The following CELF2 variants were observed in gnomAD, a reference collection of about 807,000 sequenced individuals.
CELF2 encodes CUGBP Elav-like family member 2.
A neutral mutation model predicts 62.6 loss-of-function variants in CELF2; 8 were observed. That is an observed-to-expected ratio of 0.13 (90% CI 0.07 to 0.23). CELF2 has a LOEUF of 0.23. Ranked by LOEUF, CELF2 falls within the 10% of genes least tolerant of loss-of-function variation. The pLI is 1.00. For synonymous variants in CELF2, 258 were observed against 250.0 expected (o/e 1.03, Z -0.30); for missense variants, 333 against 671.0 (o/e 0.50, Z 5.56).
chr10:11,095,425 A>C (rs770617099), intron 1 of CELF2, among the ~76,000 whole-genome samples: 1 of 152,204 alleles, frequency 6.6e-6, no homozygotes, highest in Admixed American at 6.5e-5. Context: ...GACTGTATGT[A>C]GCCGTCTCAG....
chr10:11,066,639 C>T (rs1480291528), intron 1 of CELF2, among the ~76,000 whole-genome samples: 1 of 152,108 alleles, frequency 6.6e-6, no homozygotes, highest in African/African-American at 2.4e-5. Context: ...TGTAGTTGCC[C>T]AAAGGATGAT....
At position 11,260,873 on chromosome 10, in the gene CELF2, C is replaced by A. The variant is rs189923112; in HGVS notation, c.538+3001C>A. ...GTGTATTTGTTAAAAGCACAATTCTCTTTCATGCTACCATTTTGCTTTCAT... is the reference window on the plus strand; with the variant it reads ...GTGTATTTGTTAAAAGCACAATTCTATTTCATGCTACCATTTTGCTTTCAT... On this transcript the variant is annotated intron_variant, in intron 5 of 12. Transcript: ENST00000633077. The surrounding 1 kb of genome is among the most constrained non-coding windows in gnomAD (Gnocchi z 4.2). Among the ~76,000 whole-genome samples the A allele has an allele frequency of 6.6e-6, 1 of 152,292 alleles. No homozygotes were observed. The highest frequency in any genetic ancestry group is 1.9e-4 in the East Asian group (1 of 5,188).
chr10:10,821,940 T>G (rs2056999365), intron 1 of CELF2, among the ~76,000 whole-genome samples: 1 of 152,192 alleles, frequency 6.6e-6, no homozygotes, highest in South Asian at 2.1e-4. Context: ...GGGATTACTT[T>G]ATTAAAAGAC....
chr10:11,018,596 G>A (rs1313028062), intron 1 of CELF2, among the ~76,000 whole-genome samples: 1 of 150,220 alleles, frequency 6.7e-6, no homozygotes, highest in African/African-American at 2.4e-5. Flanking sequence ...GGCGAGCCGG[G>A]CGCGGAGTCC....
chr10:10,558,315 C>G, the CELF2 span, among the ~76,000 whole-genome samples: 1 of 151,630 alleles, frequency 6.6e-6, no homozygotes, highest in Non-Finnish European at 1.5e-5. Flanking sequence ...GTCTTTGGTT[C>G]TGTTTATATG....
intron 8 of CELF2, among the ~76,000 whole-genome samples, chr10:11,281,568 C>A (rs1038031555): frequency 1.3e-5 from 2 of 152,092 alleles, no homozygotes; most frequent in Non-Finnish European, 2.9e-5. Flanking sequence ...TCCCGACCAG[C>A]CTGAGCAACA....
chr10:10,805,455 T>C (rs1270285919), intron 1 of CELF2, among the ~76,000 whole-genome samples: 1 of 152,228 alleles, frequency 6.6e-6, no homozygotes, highest in African/African-American at 2.4e-5. Flanking sequence ...GACTCAGTAC[T>C]TTTAAAAATT....
Position 11,329,075 on chromosome 10 carries a change from G to A in CELF2, c.*22G>A. On this transcript the variant is annotated 3_prime_UTR_variant, in exon 13 of 13. Transcript: ENST00000633077. This position sits in a 1 kb window ranked among gnomAD's most constrained non-coding sequence, Gnocchi z 5.5. ...CTGATCCTAACCCCAGAGGCTCCCT[G>A]CTCTCATTTTAGCTTTCTTAGGGTA... 2 of 1,598,878 alleles carry A rather than the reference G, an allele frequency of 1.3e-6. No individual in the cohort carries two copies. Among genetic ancestry groups the A allele is most frequent in the Non-Finnish European group, 1.7e-6 (2 of 1,168,958 alleles).
At chr10:10,475,738 G>T in the CELF2 span, among the ~76,000 whole-genome samples, 17 of 152,074 alleles carry the variant, frequency 1.1e-4, no homozygotes, top group Middle Eastern at 3.4e-3. Flanking sequence ...ACTTTGCTCA[G>T]GCCTTCTCTG....
chr10:10,499,451 A>T, the CELF2 span, among the ~76,000 whole-genome samples: 1 of 152,154 alleles, frequency 6.6e-6, no homozygotes, highest in East Asian at 1.9e-4. Context: ...AGTAATTCAC[A>T]TGTGATTATG....
At chr10:10,550,722 G>C in the CELF2 span, among the ~76,000 whole-genome samples, 4 of 151,182 alleles carry the variant, frequency 2.6e-5, no homozygotes, top group Non-Finnish European at 5.9e-5. Context: ...TTTTGAGATG[G>C]AGTTTTGCTC....
intron 1 of CELF2, among the ~76,000 whole-genome samples, chr10:11,065,959 A>G (rs1432216476): frequency 1.3e-5 from 2 of 152,180 alleles, no homozygotes; most frequent in East Asian, 3.9e-4. Flanking sequence ...TGCAGGGTAG[A>G]GTAGTCCAGG....
chr10:11,042,827 A>T lies in CELF2; in HGVS notation c.74+24664A>T, dbSNP rs530221812. ...CTTGTGTCTGGCTTTTGTTTAACTTATGATGTTTTTGGAGATTTATCCATG... is the reference window on the plus strand; with the variant it reads ...CTTGTGTCTGGCTTTTGTTTAACTTTTGATGTTTTTGGAGATTTATCCATG... On this transcript the variant is annotated intron_variant, in intron 1 of 12. Coordinates refer to ENST00000633077, the MANE Select transcript of CELF2 (RefSeq NM_001326342.2). 8.5e-5 allele frequency among the ~76,000 whole-genome samples: 13 copies of T among 152,140 alleles called. No homozygotes were observed. In the South Asian group the frequency reaches 2.7e-3, roughly 32 times the overall value.
chr10:10,867,307 C>T (rs117340991), intron 1 of CELF2, among the ~76,000 whole-genome samples: 19 of 152,362 alleles, frequency 1.2e-4, no homozygotes, highest in East Asian at 1.9e-4. Flanking sequence ...TATACAGTCT[C>T]ACCCTCCATT....
In CELF2 at chr10:11,316,960, A is replaced by T. The variant is rs1016879037; in HGVS notation, c.1096+2702A>T. On this transcript the variant is annotated intron_variant, in intron 10 of 12. Coordinates refer to ENST00000633077, the MANE Select transcript of CELF2 (RefSeq NM_001326342.2). The surrounding 1 kb of genome is among the most constrained non-coding windows in gnomAD (Gnocchi z 4.4). ...AGGAACACATGTGATTGACCATCAG[A>T]GTGTTCACCTCTGGATTTTTTCAGG... 1 of 152,218 alleles carries T rather than the reference A, an allele frequency of 6.6e-6. No homozygotes were observed. The highest frequency in any genetic ancestry group is 1.5e-5 in the Non-Finnish European group (1 of 68,044). The allele number at this position is 152,218 out of a possible 1,614,324, so 9.4% of individuals were successfully genotyped here.
At chr10:10,802,255 A>G (rs1205138173) in intron 1 of CELF2, among the ~76,000 whole-genome samples, 5 of 152,142 alleles carry the variant, frequency 3.3e-5, no homozygotes, top group Admixed American at 6.5e-5. Context: ...GCGGATCATG[A>G]GGTCAAGAGA....
chr10:10,981,346 GACCCTATTGATGC>G (rs1041635261), intron 2 of CELF2, among the ~76,000 whole-genome samples: 3 of 152,208 alleles, frequency 2.0e-5, no homozygotes, highest in African/African-American at 7.2e-5. Context: ...CACTTAGTGA[GACCCTATTGATGC>G]TGCATTTTGA....
rs544679978 is a variant in CELF2, at chr10:11,125,526, C to T, written c.75-39960C>T. ...CCGTAACAACTAAATTTTGAAAATACTTCTCTCTTGAGGGGATTAAGTCTC... is the reference window on the plus strand; with the variant it reads ...CCGTAACAACTAAATTTTGAAAATATTTCTCTCTTGAGGGGATTAAGTCTC... On this transcript the variant is annotated intron_variant, in intron 1 of 12. Coordinates refer to ENST00000633077, the MANE Select transcript of CELF2 (RefSeq NM_001326342.2). Among the ~76,000 whole-genome samples, 5 of 152,084 alleles carry T rather than the reference C, an allele frequency of 3.3e-5. No individual in the cohort carries two copies. The East Asian group carries it at 9.7e-4, about 29-fold the overall frequency.
At chr10:11,054,138 A>G (rs1057213042) in intron 1 of CELF2, among the ~76,000 whole-genome samples, 8 of 152,218 alleles carry the variant, frequency 5.3e-5, no homozygotes, top group African/African-American at 1.9e-4. Context: ...TTGTTCATAA[A>G]AGAGTAAAAA....
Sources: gnomAD v4.1 joint callset for allele counts (sites outside exome capture counted in the v4.1 genomes callset) on GRCh38, gnomAD v4.1.1 for gene constraint, Gnocchi (gnomAD v3.1) non-coding constraint, MANE v1.5 for transcripts, NCBI Gene and HGNC (gene_info 2026-07-23, HGNC 2026-07-21) for gene names.